RGS20: variants seen among roughly 807,000 people sequenced by gnomAD.
RGS20 encodes the protein regulator of G protein signaling 20.
In RGS20, 30 loss-of-function variants were observed where a neutral mutation model predicts 33.6. The ratio of observed to expected loss-of-function variants is 0.89; its 90% confidence interval spans 0.67 to 1.21. The LOEUF is 1.21. Ranked by LOEUF, RGS20 falls within the 50% of genes most tolerant of loss-of-function variation. RGS20 has a pLI of 0.00. For missense variants in RGS20, 472 were observed against 502.4 expected, an observed-to-expected ratio of 0.94 and a Z score of 0.58; for synonymous variants, 208 against 197.9, an observed-to-expected ratio of 1.05 and a Z score of -0.43.
chr8:53,867,535 C>T (rs961670292), intron 1 of RGS20, among the ~76,000 whole-genome samples: 4 of 152,060 alleles, frequency 2.6e-5, no homozygotes, highest in Admixed American at 6.6e-5. Context: ...CTGCTAATAT[C>T]TTCATTTTGG....
chr8:53,887,150 T>A (rs1378408248), intron 2 of RGS20: 2 of 162,498 alleles, frequency 1.2e-5, no homozygotes, highest in Non-Finnish European at 2.7e-5. Flanking sequence ...TCTGCCATTT[T>A]CATCCACCTT....
At chr8:53,887,960 C>T (rs1432690998) in intron 2 of RGS20, among the ~76,000 whole-genome samples, 1 of 150,656 alleles carries the variant, frequency 6.6e-6, no homozygotes, top group Non-Finnish European at 1.5e-5. Flanking sequence ...GCCTGGGCAA[C>T]AGAGTGAGAC....
chr8:53,875,506 G>A (rs1473646489), intron 1 of RGS20, among the ~76,000 whole-genome samples: 2 of 151,056 alleles, frequency 1.3e-5, no homozygotes, highest in Non-Finnish European at 2.9e-5. Flanking sequence ...TCCCTTACTT[G>A]GCTAGTAATA....
At chr8:53,920,688 AG>A (rs1813617230) in intron 2 of RGS20, among the ~76,000 whole-genome samples, 1 of 152,182 alleles carries the variant, frequency 6.6e-6, no homozygotes, top group Admixed American at 6.6e-5. Flanking sequence ...GACTTTGGTC[AG>A]GTTTAGGAAG....
chr8:53,922,010 G>T (rs1367726735), intron 2 of RGS20, among the ~76,000 whole-genome samples: 1 of 152,062 alleles, frequency 6.6e-6, no homozygotes, highest in Admixed American at 6.6e-5. Context: ...TGTCTGTTAG[G>T]TGTAGTTAGT....
At chr8:53,950,969 T>G (rs1463697281) in intron 4 of RGS20, among the ~76,000 whole-genome samples, 2 of 152,178 alleles carry the variant, frequency 1.3e-5, no homozygotes, top group African/African-American at 4.8e-5. Context: ...TTAAAAAATT[T>G]TAAAGCACTT....
chr8:53,904,061 A>G (rs7843756), intron 2 of RGS20, among the ~76,000 whole-genome samples: 7,122 of 152,054 alleles, frequency 0.047, 489 homozygotes, highest in African/African-American at 0.15. Context: ...GAGAGATAGT[A>G]ACACTGCTTA....
intron 2 of RGS20, among the ~76,000 whole-genome samples, chr8:53,892,343 A>G (rs1302345307): frequency 6.6e-6 from 1 of 152,240 alleles, no homozygotes; most frequent in Non-Finnish European, 1.5e-5. Context: ...TAGTGCCGCA[A>G]TAAACATACA....
At chr8:53,922,605 T>C (rs1366054216) in intron 2 of RGS20, among the ~76,000 whole-genome samples, 1 of 152,202 alleles carries the variant, frequency 6.6e-6, no homozygotes, top group Non-Finnish European at 1.5e-5. Context: ...CTTCCTTTGT[T>C]TTATGTTGAT....
chr8:53,952,391 T>C (rs1190599817), intron 4 of RGS20, among the ~76,000 whole-genome samples: 1 of 149,960 alleles, frequency 6.7e-6, no homozygotes, highest in Admixed American at 6.7e-5. Flanking sequence ...AAAAAGCAAG[T>C]TGCAGAAGAC....
intron 2 of RGS20, among the ~76,000 whole-genome samples, chr8:53,927,538 C>T (rs1342916926): frequency 1.3e-5 from 2 of 152,076 alleles, no homozygotes; most frequent in Non-Finnish European, 2.9e-5. Flanking sequence ...CACATGTTAG[C>T]ATATGAGGAT....
chr8:53,947,225 T>C (rs1814516966), intron 4 of RGS20, among the ~76,000 whole-genome samples: 1 of 144,392 alleles, frequency 6.9e-6, no homozygotes, highest in African/African-American at 2.5e-5. Context: ...TATTTATTTA[T>C]ACATGCTATA....
chr8:53,883,539 G>A (rs773068532), intron 2 of RGS20, among the ~76,000 whole-genome samples: 9 of 152,140 alleles, frequency 5.9e-5, no homozygotes, highest in Non-Finnish European at 1.0e-4. Context: ...GGAGTCTTGA[G>A]CTCTGTAACT....
At position 53,939,683 on chromosome 8, in the gene RGS20, C is replaced by T. The variant is rs1409590053; in HGVS notation, c.618C>T (p.Asn206=). Residue 206 remains asparagine (N), a synonymous_variant, in exon 3 of 6, where the codon AAC becomes AAT. Coordinates refer to ENST00000297313, the MANE Select transcript of RGS20 (RefSeq NM_170587.4). ...CCGGAGCGGGGAGTCGCGGGTCCAA[C>T]GCATGCTGCTTCTGCTGGTGCTGCT... The T allele has an allele frequency of 4.5e-6, 7 of 1,572,458 alleles. No individual in the cohort carries two copies. In the Admixed American group the frequency reaches 7.6e-5, roughly 17 times the overall value.
chr8:53,954,120 T>C lies in RGS20; in HGVS notation c.788T>C (p.Phe263Ser). The C allele has an allele frequency of 7.4e-6, 12 of 1,614,084 alleles. No individual in the cohort carries two copies. Among genetic ancestry groups the C allele is most frequent in the South Asian group, 1.1e-5 (1 of 91,044 alleles). Residue 263 changes from phenylalanine to serine, a missense_variant, in exon 5 of 6, where the codon TTT becomes TCT. Coordinates refer to ENST00000297313, the MANE Select transcript of RGS20 (RefSeq NM_170587.4). ...GAAGTCAACGCCTGGGCTCAGTCAT[T>C]TGACAAATTAATGGTCACTCCAGCA...
chr8:53,937,280 T>G lies in RGS20; in HGVS notation c.511-2296T>G, dbSNP rs201269668. ...ACGTTGTGCACATGTACCCTAGAAC[T>G]TAAAGTATAATAATAAATAAATAAA... On this transcript the variant is annotated intron_variant, in intron 2 of 5. Transcript: ENST00000297313. Among the ~76,000 whole-genome samples the G allele has an allele frequency of 3.3e-5, 5 of 151,728 alleles. No individual in the cohort carries two copies. The East Asian group carries it at 9.7e-4, about 29-fold the overall frequency.
chr8:53,889,425 T>TCCC (rs1812645714), intron 2 of RGS20, among the ~76,000 whole-genome samples: 2 of 96,122 alleles, frequency 2.1e-5, no homozygotes, highest in African/African-American at 1.1e-4. Flanking sequence ...TTTTTTTTTT[T>TCCC]TTTTTTTTTT....
intron 1 of RGS20, among the ~76,000 whole-genome samples, chr8:53,875,079 G>A (rs1039141680): frequency 6.6e-6 from 1 of 152,190 alleles, no homozygotes; most frequent in Non-Finnish European, 1.5e-5. Flanking sequence ...AAGACTGCAA[G>A]AGGAGAAAGC....
At chr8:53,944,096 T>C (rs924033850) in intron 3 of RGS20, among the ~76,000 whole-genome samples, 1 of 151,594 alleles carries the variant, frequency 6.6e-6, no homozygotes, top group South Asian at 2.1e-4. Flanking sequence ...AGAAAAGATA[T>C]AATAAAGAAT....
Sources: allele counts gnomAD v4.1 joint callset (sites outside exome capture counted in the v4.1 genomes callset), GRCh38; gene constraint gnomAD v4.1.1; transcripts MANE v1.5; gene names NCBI Gene and HGNC (gene_info 2026-07-23, HGNC 2026-07-21).